The following NPY2R variants were observed in gnomAD, a reference collection of about 807,000 sequenced individuals.
The protein encoded by NPY2R is neuropeptide Y receptor Y2, also known as neuropeptide Y receptor type 2.
Under a neutral mutation model 22.3 loss-of-function variants are expected in NPY2R, and 17 were observed. The observed-to-expected ratio is 0.76, with a 90% CI of 0.52 to 1.14. The LOEUF (loss-of-function observed/expected upper bound fraction) is 1.14, where lower values mean the gene tolerates loss of function less well. Among genes scored for constraint, NPY2R ranks in the 50% most tolerant of loss-of-function variants. The pLI is 0.00. For synonymous variants in NPY2R, 209 were observed against 183.4 expected, an observed-to-expected ratio of 1.14 and a Z score of -1.13; for missense variants, 424 against 467.9, an observed-to-expected ratio of 0.91 and a Z score of 0.87.
intron 1 of NPY2R, among the ~76,000 whole-genome samples, chr4:155,212,907 A>G (rs1729435337): frequency 6.6e-6 from 1 of 152,230 alleles, no homozygotes; most frequent in Admixed American, 6.5e-5. Context: ...TTGAGTGGAT[A>G]AAGAAAACGT....
the NPY2R span, among the ~76,000 whole-genome samples, chr4:155,199,914 G>GA: frequency 8.5e-3 from 1,296 of 152,130 alleles, 7 homozygotes; most frequent in Non-Finnish European, 0.014. Flanking sequence ...AAATCCTAGA[G>GA]AAAATCTAGG....
upstream of NPY2R, among the ~76,000 whole-genome samples, chr4:155,204,914 C>A (rs1036123922): frequency 6.6e-6 from 1 of 151,650 alleles, no homozygotes; most frequent in Non-Finnish European, 1.5e-5. Flanking sequence ...CCTGCATATG[C>A]CAAAATCCTT....
At chr4:155,193,884 C>T in the NPY2R span, among the ~76,000 whole-genome samples, 1 of 151,884 alleles carries the variant, frequency 6.6e-6, no homozygotes, top group African/African-American at 2.4e-5. Context: ...AACACAGAAC[C>T]TGTCTCGTGT....
At chr4:155,190,364 A>T in the NPY2R span, among the ~76,000 whole-genome samples, 8 of 151,926 alleles carry the variant, frequency 5.3e-5, no homozygotes, top group Non-Finnish European at 1.2e-4. Flanking sequence ...AGAAGAACAG[A>T]ATATAGAAAA....
At chr4:155,191,542 C>A in the NPY2R span, among the ~76,000 whole-genome samples, 1 of 151,778 alleles carries the variant, frequency 6.6e-6, no homozygotes, top group Non-Finnish European at 1.5e-5. Flanking sequence ...ATCTAGATGC[C>A]AAAACACGTT....
chr4:155,174,484 A>ATATATATATATATTTT, the NPY2R span, among the ~76,000 whole-genome samples: 15 of 106,066 alleles, frequency 1.4e-4, no homozygotes, highest in African/African-American at 4.1e-4. Flanking sequence ...ATATATATAT[A>ATATATATATATATTTT]TTTTTTTTTT....
At chr4:155,185,694 A>G in the NPY2R span, among the ~76,000 whole-genome samples, 57 of 150,354 alleles carry the variant, frequency 3.8e-4, no homozygotes, top group African/African-American at 1.2e-3. Flanking sequence ...TAAATGGAGG[A>G]TCTAATTTTG....
chr4:155,186,939 T>C, the NPY2R span, among the ~76,000 whole-genome samples: 2 of 143,674 alleles, frequency 1.4e-5, no homozygotes, highest in Non-Finnish European at 3.0e-5. Context: ...GTCTAACACA[T>C]ATAAGTATGA....
chr4:155,188,454 G>A, the NPY2R span, among the ~76,000 whole-genome samples: 2 of 152,070 alleles, frequency 1.3e-5, no homozygotes, highest in African/African-American at 2.4e-5. Context: ...GATTTCCCCT[G>A]TCTCCCAGTA....
chr4:155,200,427 T>G, the NPY2R span, among the ~76,000 whole-genome samples: 1 of 152,170 alleles, frequency 6.6e-6, no homozygotes, highest in Non-Finnish European at 1.5e-5. Flanking sequence ...AGTTCAAACA[T>G]TGTGGAAGAC....
chr4:155,187,348 T>C, the NPY2R span, among the ~76,000 whole-genome samples: 1 of 152,220 alleles, frequency 6.6e-6, no homozygotes, highest in African/African-American at 2.4e-5. Flanking sequence ...ATCCCCATCA[T>C]CTTGGCAGGA....
In NPY2R at chr4:155,216,365, A is replaced by G. The variant is rs1420338458; in HGVS notation, c.*1280A>G. On this transcript the variant is annotated 3_prime_UTR_variant, in exon 2 of 2. Transcript: ENST00000329476. ...ATATTATGAATAAAATTGTTATTTC[A>G]ATAGTACCCAACCAAAGATGCTTAA... 2 of 166,760 alleles carry G rather than the reference A, an allele frequency of 1.2e-5. No homozygotes were observed. Among genetic ancestry groups the G allele is most frequent in the Non-Finnish European group, 2.9e-5 (2 of 68,034 alleles). 10.3% of individuals were successfully genotyped at this position (166,760 alleles called of 1,614,324 possible).
the NPY2R span, among the ~76,000 whole-genome samples, chr4:155,195,994 A>G: frequency 6.6e-6 from 1 of 152,058 alleles, no homozygotes; most frequent in African/African-American, 2.4e-5. Context: ...TTCAAGTGTC[A>G]TCTACATGTT....
At chr4:155,174,542 T>G in the NPY2R span, among the ~76,000 whole-genome samples, 1 of 149,340 alleles carries the variant, frequency 6.7e-6, no homozygotes, top group South Asian at 2.1e-4. Flanking sequence ...TCAGGATATA[T>G]TTCACTCAGT....
chr4:155,200,002 T>C, the NPY2R span, among the ~76,000 whole-genome samples: 1 of 151,694 alleles, frequency 6.6e-6, no homozygotes, highest in Non-Finnish European at 1.5e-5. Flanking sequence ...AAAGCCAAAA[T>C]TGACCATTAA....
chr4:155,179,664 T>C, the NPY2R span, among the ~76,000 whole-genome samples: 1 of 152,224 alleles, frequency 6.6e-6, no homozygotes, highest in Non-Finnish European at 1.5e-5. Context: ...ATTTGTCTTA[T>C]GTTGGCTCAT....
At chr4:155,174,484 A>ATATATATATAT in the NPY2R span, among the ~76,000 whole-genome samples, 13 of 106,074 alleles carry the variant, frequency 1.2e-4, no homozygotes, top group African/African-American at 5.4e-4. Context: ...ATATATATAT[A>ATATATATATAT]TTTTTTTTTT....
At chr4:155,204,753 A>T (rs1175565097), upstream of NPY2R, among the ~76,000 whole-genome samples, 2 of 151,718 alleles carry the variant, frequency 1.3e-5, no homozygotes, top group African/African-American at 2.4e-5. Flanking sequence ...TTAAAAGTAG[A>T]GATTTTACAC....
At chr4:155,192,855 C>A in the NPY2R span, among the ~76,000 whole-genome samples, 1 of 151,928 alleles carries the variant, frequency 6.6e-6, no homozygotes, top group African/African-American at 2.4e-5. Flanking sequence ...GGAATCATTT[C>A]TGTGTAGGCT....
Sources: allele counts gnomAD v4.1 joint callset (sites outside exome capture counted in the v4.1 genomes callset), GRCh38; gene constraint gnomAD v4.1.1; transcripts MANE v1.5; gene names NCBI Gene and HGNC (gene_info 2026-07-23, HGNC 2026-07-21).